Variants in TNXB observed in about 807,000 individuals in gnomAD.
TNXB encodes the protein tenascin-X.
Under a neutral mutation model 340.5 loss-of-function variants are expected in TNXB, and 183 were observed. The observed-to-expected ratio is 0.54, with a 90% confidence interval of 0.48 to 0.61. The LOEUF (loss-of-function observed/expected upper bound fraction) is 0.61, where lower values mean the gene tolerates loss of function less well. Among genes scored for constraint, TNXB ranks in the 20% least tolerant of loss-of-function variants. TNXB has a pLI of 0.00. For missense variants in TNXB, 4,613 were observed against 5,446.4 expected (o/e 0.85, Z 4.82); for synonymous variants, 2,121 against 2,314.5 (o/e 0.92, Z 2.40).
Position 32,070,201 on chromosome 6 carries a change from C to A in TNXB, c.5204G>T (p.Arg1735Leu), listed in dbSNP as rs573721058. 1 of 1,611,898 alleles carries A rather than the reference C, an allele frequency of 6.2e-7. No individual in the cohort carries two copies. The highest frequency in any genetic ancestry group is 8.5e-7 in the Non-Finnish European group (1 of 1,179,156). Residue 1735 changes from arginine to leucine, a missense_variant, in exon 14 of 44, where the codon CGC becomes CTC. Arg to Leu is a moderately radical substitution (Grantham distance 102). Transcript: ENST00000644971. This position sits in a 1 kb window ranked among gnomAD's most constrained non-coding sequence, Gnocchi z 6.0. ...SVTVTPLDAG[R>L]KYRFLLYGLL... ...GCCATAGAGGAGGAATCTGTACTTG[C>A]GGCCGGCATCCAGAGGGGTGACAGT...
Position 32,070,422 on chromosome 6 carries a change from G to A in TNXB, c.4991-8C>T. 6.3e-7 allele frequency: 1 copy of A among 1,577,500 alleles called. No individual in the cohort carries two copies. ...TGGCGTCACCTCGGGCAACTGGAGA[G>A]GAAAGGTTCTTGTGTTTATTTTTTC... On this transcript the variant is annotated splice_region_variant and splice_polypyrimidine_tract_variant and intron_variant, in intron 13 of 43. Coordinates refer to ENST00000644971, the MANE Select transcript of TNXB (RefSeq NM_001365276.2). This position sits in a 1 kb window ranked among gnomAD's most constrained non-coding sequence, Gnocchi z 6.0.
Position 32,067,075 on chromosome 6 carries a change from A to G in TNXB, c.6544+586T>C, listed in dbSNP as rs547136328. Among the ~76,000 whole-genome samples, 1 of 93,838 alleles carries G rather than the reference A, an allele frequency of 1.1e-5. No individual in the cohort carries two copies. 61.6% of individuals were successfully genotyped at this position (93,838 alleles called of 152,430 possible). On this transcript the variant is annotated intron_variant, in intron 18 of 43. Transcript: ENST00000644971. This position sits in a 1 kb window ranked among gnomAD's most constrained non-coding sequence, Gnocchi z 4.2. Reference sequence around the variant, plus strand: ...CAGGCGACAGAGTGAGACCTTGTCTAAAAAGAAAGAAAGAAAAGAATGAAA... The same window carrying G: ...CAGGCGACAGAGTGAGACCTTGTCTGAAAAGAAAGAAAGAAAAGAATGAAA...
In TNXB at chr6:32,098,018, C is replaced by A; in HGVS notation, c.181G>T (p.Glu61Ter). The A allele has an allele frequency of 1.2e-6, 2 of 1,607,340 alleles. No homozygotes were observed. The highest frequency in any genetic ancestry group is 1.7e-6 in the Non-Finnish European group (2 of 1,178,106). Residue 61 changes from glutamate to a stop codon, truncating the protein, a stop_gained, in exon 2 of 44, where the codon GAG becomes TAG. Coordinates refer to ENST00000644971, the MANE Select transcript of TNXB (RefSeq NM_001365276.2). LOFTEE classifies it high-confidence loss of function. The stretch of plus-strand genomic sequence containing the variant: ...TTCTCCCCTCCTTCCACTGTGTGCT[C>A]GTAAAGCTGAGAAGAGGGGCTTCCC... The part of the protein sequence containing the change: ...GVGSPSSQLY[E>*]HTVEGGEKQV...
chr6:32,084,363 A>G lies in TNXB; in HGVS notation c.3445+50T>C, dbSNP rs1374024276. The G allele has an allele frequency of 1.3e-6, 2 of 1,494,136 alleles. No homozygotes were observed. Among genetic ancestry groups the G allele is most frequent in the Non-Finnish European group, 1.8e-6 (2 of 1,116,794 alleles). The allele number at this position is 1,494,136 out of a possible 1,614,324, so 92.6% of individuals were successfully genotyped here. A position where few individuals can be genotyped will look rare whatever the true frequency, so the allele number is the denominator to read the frequency against. On this transcript the variant is annotated intron_variant, in intron 8 of 43. Transcript: ENST00000644971. The surrounding 1 kb of genome is among the most constrained non-coding windows in gnomAD (Gnocchi z 5.5). The stretch of plus-strand genomic sequence containing the variant: ...AAAGCAGGTTCCCAAAGCACTGAGA[A>G]AACCTCTTCAGGGCAGTACAGAGGG...
chr6:32,058,269 C>T lies in TNXB; in HGVS notation c.7614G>A (p.Leu2538=), dbSNP rs753127006. The T allele has an allele frequency of 6.2e-7, 1 of 1,612,402 alleles. No homozygotes were observed. The highest frequency in any genetic ancestry group is 8.5e-7 in the Non-Finnish European group (1 of 1,179,856). ...LTVTGSSPDS[L]SLSWTVPQGR... Reference sequence around the variant, plus strand: ...CCTGGGGGACGGTCCAGGAAAGGCTCAGCGAGTCAGGGGAGGATCCTGTCA... The same window carrying T: ...CCTGGGGGACGGTCCAGGAAAGGCTTAGCGAGTCAGGGGAGGATCCTGTCA... Residue 2538 remains leucine, a synonymous_variant, in exon 22 of 44, where the codon CTG becomes CTA. Coordinates refer to ENST00000644971, the MANE Select transcript of TNXB (RefSeq NM_001365276.2). This position sits in a 1 kb window ranked among gnomAD's most constrained non-coding sequence, Gnocchi z 5.1.
Position 32,062,072 on chromosome 6 carries a change from G to C in TNXB, c.7168+85C>G. The C allele has an allele frequency of 6.7e-7, 1 of 1,485,516 alleles. No individual in the cohort carries two copies. The highest frequency in any genetic ancestry group is 9.1e-7 in the Non-Finnish European group (1 of 1,100,024). 92.0% of individuals were successfully genotyped at this position (1,485,516 alleles called of 1,614,324 possible). On this transcript the variant is annotated intron_variant, in intron 20 of 43. Transcript: ENST00000644971. The surrounding 1 kb of genome is among the most constrained non-coding windows in gnomAD (Gnocchi z 4.3). ...TAGGTCTGTGGTGCTGACCAGACCCGTCCCATTCCCCACCAGTCATCACCA... is the reference window on the plus strand; with the variant it reads ...TAGGTCTGTGGTGCTGACCAGACCCCTCCCATTCCCCACCAGTCATCACCA...
rs964015109 is a variant in TNXB at position 32,081,514 on chromosome 6, T to C, written c.3896A>G (p.Gln1299Arg). The change falls in exon 10 of 44, where the codon CAG becomes CGG. Residue 1299 changes from glutamine (Q) to arginine (R), a missense_variant. Around this residue, in one of 7 missense-constraint regions of TNXB, gnomAD observed 4,327 missense variants for 4,859.4 expected, o/e 0.89. Coordinates refer to ENST00000644971, the MANE Select transcript of TNXB (RefSeq NM_001365276.2). The surrounding 1 kb of genome is among the most constrained non-coding windows in gnomAD (Gnocchi z 5.1). ...DSFMVQYKDAQGQPQAVPVAG... is the reference protein window; with the variant it reads ...DSFMVQYKDARGQPQAVPVAG... ...AACAGGCACTGCCTGGGGCTGCCCC[T>C]GTGCATCCTTGTACTGGACCATGAA... The C allele has an allele frequency of 6.2e-7, 1 of 1,607,286 alleles. No homozygotes were observed. The highest frequency in any genetic ancestry group is 8.5e-7 in the Non-Finnish European group (1 of 1,176,972).
At position 32,061,064 on chromosome 6, in the gene TNXB, C is replaced by T. The variant is rs995327559; in HGVS notation, c.7492+333G>A. 6.6e-6 allele frequency among the ~76,000 whole-genome samples: 1 copy of T among 151,874 alleles called. No homozygotes were observed. Among genetic ancestry groups the T allele is most frequent in the African/African-American group, 2.4e-5 (1 of 41,162 alleles). On this transcript the variant is annotated intron_variant, in intron 21 of 43. Coordinates refer to ENST00000644971, the MANE Select transcript of TNXB (RefSeq NM_001365276.2). The surrounding 1 kb of genome is among the most constrained non-coding windows in gnomAD (Gnocchi z 4.4). ...ATTTAGTCATCCCAACGTGGTTTGACGTTGGATTGTTCCTCTTGTGTGCAT... is the reference window on the plus strand; with the variant it reads ...ATTTAGTCATCCCAACGTGGTTTGATGTTGGATTGTTCCTCTTGTGTGCAT...
chr6:32,045,879 G>A, intron 31 of TNXB: 1 of 1,179,676 alleles, frequency 8.5e-7, no homozygotes, highest in Non-Finnish European at 1.1e-6. Flanking sequence ...CCTTCGGGGA[G>A]GCGACAGCAG....
Position 32,042,590 on chromosome 6 carries a change from G to A in TNXB, c.12075C>T (p.Pro4025=). 6.3e-7 allele frequency: 1 copy of A among 1,582,374 alleles called. No individual in the cohort carries two copies. Among genetic ancestry groups the A allele is most frequent in the Non-Finnish European group, 8.6e-7 (1 of 1,163,582 alleles). The change falls in exon 40 of 44, where the codon CCC becomes CCT. Residue 4025 remains proline (P), a synonymous_variant. Transcript: ENST00000644971. ...TCTCCTCCCCGCAGTCCCTGGGGAA[G>A]GGGATCCGCAGCCCACCTGGGAGAG... ...TSFTTGGLRI[P]FPRDCGEEMQ... is the part of the protein sequence containing the mutation.
Position 32,079,265 on chromosome 6 carries a change from T to C in TNXB, c.4143A>G (p.Thr1381=). Residue 1381 remains threonine (T), a synonymous_variant, in exon 11 of 44, where the codon ACA becomes ACG. Coordinates refer to ENST00000644971, the MANE Select transcript of TNXB (RefSeq NM_001365276.2). This position sits in a 1 kb window ranked among gnomAD's most constrained non-coding sequence, Gnocchi z 7.1. ...GGCTCAGCGAATCAGGGGAGGATCC[T>C]GTCACTGTCAGCTCCCCCAGGAGCG... ...EEPLLGELTV[T]GSSPDSLSLF... 3.1e-6 allele frequency: 5 copies of C among 1,613,446 alleles called. No homozygotes were observed. Among genetic ancestry groups the C allele is most frequent in the Non-Finnish European group, 3.4e-6 (4 of 1,179,840 alleles).
In TNXB at chr6:32,047,800, T is replaced by G. The variant is rs199563047; in HGVS notation, c.10258A>C (p.Arg3420=). The part of the protein sequence containing the change: ...VQGLEPSRKY[R]FLLYGLSGRK... ...CCTGACAGACCATAGAGCAGGAACC[T>G]GTATTTCCTACTGGGCTCCAGGCCC... The change falls in exon 30 of 44, where the codon AGG becomes CGG. Residue 3420 remains arginine, a synonymous_variant. Coordinates refer to ENST00000644971, the MANE Select transcript of TNXB (RefSeq NM_001365276.2). This position sits in a 1 kb window ranked among gnomAD's most constrained non-coding sequence, Gnocchi z 6.2. 4 of 1,610,338 alleles carry G rather than the reference T, an allele frequency of 2.5e-6. No individual in the cohort carries two copies. The highest frequency in any genetic ancestry group is 3.4e-6 in the Non-Finnish European group (4 of 1,178,974).
intron 18 of TNXB, among the ~76,000 whole-genome samples, chr6:32,066,905 A>G (rs1355154764): frequency 6.6e-6 from 1 of 152,062 alleles, no homozygotes; most frequent in Non-Finnish European, 1.5e-5. Flanking sequence ...CCCTGTCTCT[A>G]CAAAAAATAC....
In TNXB at chr6:32,068,642, G is replaced by A. The variant is rs780341799; in HGVS notation, c.5968C>T (p.Leu1990=). Residue 1990 remains leucine (L), a synonymous_variant, in exon 17 of 44, where the codon CTG becomes TTG. Coordinates refer to ENST00000644971, the MANE Select transcript of TNXB (RefSeq NM_001365276.2). This position sits in a 1 kb window ranked among gnomAD's most constrained non-coding sequence, Gnocchi z 5.3. ...ATPEPPIKPR[L]GELTVTDATP... is the part of the protein sequence containing the mutation. ...GCATCTGTCACGGTCAGCTCCCCCA[G>A]GCGAGGCTTGATGGGGGGCTCGGGG... is the stretch of plus-strand genomic sequence containing the variant. 3.7e-6 allele frequency: 6 copies of A among 1,613,864 alleles called. No individual in the cohort carries two copies. The highest frequency in any genetic ancestry group is 2.7e-5 in the African/African-American group (2 of 74,944).
intron 4 of TNXB, among the ~76,000 whole-genome samples, chr6:32,094,095 CAAAAAAAAAAAA>C (rs9281649): frequency 3.5e-4 from 10 of 28,972 alleles, no homozygotes; most frequent in South Asian, 2.5e-3. Flanking sequence ...CTCTCTGTCT[CAAAAAAAAAAAA>C]AAAAAAAAAA....
Position 32,089,512 on chromosome 6 carries a change from T to A in TNXB, c.2359-133A>T. On this transcript the variant is annotated intron_variant, in intron 4 of 43. Coordinates refer to ENST00000644971, the MANE Select transcript of TNXB (RefSeq NM_001365276.2). The surrounding 1 kb of genome is among the most constrained non-coding windows in gnomAD (Gnocchi z 6.2). Reference sequence around the variant, plus strand: ...GTGTGGAACTTGACCCTGTACAAGCTGGGGAGCAAACATGCTGAGAGCGCT... The same window carrying A: ...GTGTGGAACTTGACCCTGTACAAGCAGGGGAGCAAACATGCTGAGAGCGCT... 1 of 1,224,012 alleles carries A rather than the reference T, an allele frequency of 8.2e-7. No individual in the cohort carries two copies. Among genetic ancestry groups the A allele is most frequent in the Non-Finnish European group, 1.1e-6 (1 of 907,684 alleles). 75.8% of individuals were successfully genotyped at this position (1,224,012 alleles called of 1,614,324 possible). A position where few individuals can be genotyped will look rare whatever the true frequency, so the allele number is the denominator to read the frequency against.
At position 32,086,007 on chromosome 6, in the gene TNXB, C is replaced by G; in HGVS notation, c.2891G>C (p.Gly964Ala). The G allele has an allele frequency of 6.2e-7, 1 of 1,606,590 alleles. No homozygotes were observed. Among genetic ancestry groups the G allele is most frequent in the Non-Finnish European group, 8.5e-7 (1 of 1,178,332 alleles). Residue 964 changes from glycine (G) to alanine (A), a missense_variant, in exon 7 of 44, where the codon GGA becomes GCA. Transcript: ENST00000644971. Reference protein sequence around the residue: ...PLLQQRPQELGELRVLGRDET... With the variant: ...PLLQQRPQELAELRVLGRDET... ...ATCTCTGCCCAGCACCCTCAACTCT[C>G]CCAGCTCCTGGGGGCGCTGCTGCAG... is the stretch of plus-strand genomic sequence containing the variant.
rs1259400394 is a variant in TNXB, at chr6:32,051,392, A to G, written c.9116-1071T>C. Among the ~76,000 whole-genome samples, 1 of 152,230 alleles carries G rather than the reference A, an allele frequency of 6.6e-6. No homozygotes were observed. The highest frequency in any genetic ancestry group is 1.5e-5 in the Non-Finnish European group (1 of 68,044). On this transcript the variant is annotated intron_variant, in intron 26 of 43. Transcript: ENST00000644971. The surrounding 1 kb of genome is among the most constrained non-coding windows in gnomAD (Gnocchi z 4.7). ...ACCTCTGTGAGGATTCATGAATGCAAGAAAAATTCGCTTCAACAAATTCTA... is the reference window on the plus strand; with the variant it reads ...ACCTCTGTGAGGATTCATGAATGCAGGAAAAATTCGCTTCAACAAATTCTA...
Position 32,046,233 on chromosome 6 carries a change from C to T in TNXB, c.10548G>A (p.Leu3516=). The change falls in exon 31 of 44, where the codon CTG becomes CTA. Residue 3516 remains leucine, a synonymous_variant. Coordinates refer to ENST00000644971, the MANE Select transcript of TNXB (RefSeq NM_001365276.2). The surrounding 1 kb of genome is among the most constrained non-coding windows in gnomAD (Gnocchi z 6.9). The part of the protein sequence containing the change: ...DLEPGKKYKF[L]LYGLLGGKRL... ...GCTTTCCCCCAAGGAGCCCGTAGAG[C>T]AGAAACTTGTATTTCTTGCCAGGCT... is the stretch of plus-strand genomic sequence containing the variant. The T allele has an allele frequency of 6.2e-7, 1 of 1,603,908 alleles. No individual in the cohort carries two copies. Among genetic ancestry groups the T allele is most frequent in the Non-Finnish European group, 8.5e-7 (1 of 1,176,444 alleles).
Sources: gnomAD v4.1 joint callset for allele counts (sites outside exome capture counted in the v4.1 genomes callset) on GRCh38, gnomAD v4.1.1 for gene constraint, gnomAD v4.1.1 regional missense constraint, Gnocchi (gnomAD v3.1) non-coding constraint, MANE v1.5 for transcripts, NCBI Gene and HGNC (gene_info 2026-07-23, HGNC 2026-07-21) for gene names.